FOXN3: variants seen among roughly 807,000 people sequenced by gnomAD.
FOXN3 encodes the protein forkhead box N3, also known as forkhead box protein N3.
FOXN3 carries 7 observed loss-of-function variants against 38.4 expected under a neutral mutation model. That is an observed-to-expected ratio of 0.18 (90% CI 0.10 to 0.34). FOXN3 has a LOEUF of 0.34. Among genes scored for constraint, FOXN3 ranks in the 10% least tolerant of loss-of-function variants. The pLI is 1.00. For missense variants in FOXN3, 456 were observed against 613.4 expected (o/e 0.74, Z 2.71); for synonymous variants, 230 against 242.2 (o/e 0.95, Z 0.47).
chr14:89,193,849 T>G (rs1888028412), intron 4 of FOXN3, among the ~76,000 whole-genome samples: 1 of 152,214 alleles, frequency 6.6e-6, no homozygotes, highest in South Asian at 2.1e-4. Flanking sequence ...TTTTTGCCAC[T>G]ACTTGAAATT....
At chr14:89,597,707 T>A (rs1402162796) in intron 1 of FOXN3, among the ~76,000 whole-genome samples, 1 of 152,174 alleles carries the variant, frequency 6.6e-6, no homozygotes, top group Non-Finnish European at 1.5e-5. Context: ...TCTCTAACAG[T>A]GTTCCTTGCC....
At position 89,359,624 on chromosome 14, in the gene FOXN3, G is replaced by A. The variant is rs1271324861; in HGVS notation, c.544-8816C>T. ...AGTGCCAAGAAGGACATGGGACTTTGAGAAAGCTACTTGCTTTGAGTCATG... is the reference window on the plus strand; with the variant it reads ...AGTGCCAAGAAGGACATGGGACTTTAAGAAAGCTACTTGCTTTGAGTCATG... On this transcript the variant is annotated intron_variant, in intron 2 of 5. Transcript: ENST00000557258. Among the ~76,000 whole-genome samples the A allele has an allele frequency of 5.3e-5, 8 of 152,218 alleles. No homozygotes were observed. In the East Asian group the frequency reaches 1.5e-3, roughly 29 times the overall value.
chr14:89,478,541 T>C (rs1223446490), intron 1 of FOXN3, among the ~76,000 whole-genome samples: 1 of 152,220 alleles, frequency 6.6e-6, no homozygotes, highest in Non-Finnish European at 1.5e-5. Flanking sequence ...GTCAGGATCA[T>C]ACATTCTTGG....
chr14:89,253,128 C>G (rs1276638307), intron 4 of FOXN3, among the ~76,000 whole-genome samples: 2 of 152,176 alleles, frequency 1.3e-5, no homozygotes, highest in African/African-American at 2.4e-5. Context: ...ATAAATGGCT[C>G]CCTCCTGCCC....
intron 1 of FOXN3, among the ~76,000 whole-genome samples, chr14:89,442,399 T>C (rs139931341): frequency 2.1e-3 from 313 of 152,294 alleles, no homozygotes; most frequent in Middle Eastern, 0.01. Flanking sequence ...GGTTCAATCT[T>C]GGGAAACAGG....
At chr14:89,549,190 T>G (rs571512339) in intron 1 of FOXN3, among the ~76,000 whole-genome samples, 2 of 151,796 alleles carry the variant, frequency 1.3e-5, no homozygotes, top group African/African-American at 4.8e-5. Flanking sequence ...GAAATTAAAT[T>G]CTTACTCATG....
chr14:89,314,434 G>C (rs1887663681), intron 3 of FOXN3, among the ~76,000 whole-genome samples: 1 of 62,628 alleles, frequency 1.6e-5, no homozygotes, highest in Admixed American at 1.2e-4. Context: ...CACTTGTTTT[G>C]TCAGCTTCAT....
intron 3 of FOXN3, among the ~76,000 whole-genome samples, chr14:89,302,849 C>A (rs1469115717): frequency 6.6e-6 from 1 of 152,200 alleles, no homozygotes; most frequent in Non-Finnish European, 1.5e-5. Flanking sequence ...AGGCATTGTT[C>A]AAAGGAGTCA....
Position 89,582,154 on chromosome 14 carries a change from TCCC to T in FOXN3, c.-15+36871_-15+36873del, listed in dbSNP as rs564479780. 1.8e-3 allele frequency among the ~76,000 whole-genome samples: 274 copies of T among 152,214 alleles called. 2 individuals carry two copies. Among genetic ancestry groups the T allele is most frequent in the African/African-American group, 6.1e-3 (255 of 41,516 alleles). On this transcript the variant is annotated intron_variant, in intron 1 of 6. Transcript: ENST00000345097. ...TTACTAAATCTTCTGGCTCCAACAG[TCCC>T]CCGTCTGTGGGAAGCATGTAAATCA...
At chr14:89,446,992 T>G (rs1020227850) in intron 1 of FOXN3, among the ~76,000 whole-genome samples, 2 of 151,912 alleles carry the variant, frequency 1.3e-5, no homozygotes, top group Non-Finnish European at 2.9e-5. Flanking sequence ...AGGTCGGGAG[T>G]TCGAGACCAG....
rs77319676 is a variant in FOXN3, at chr14:89,242,770, A to G, written c.745+38180T>C. ...GAAGTGTATCCAATCTAAATACTGCATGTATTATGATAACAGAGTTCTACA... is the reference window on the plus strand; with the variant it reads ...GAAGTGTATCCAATCTAAATACTGCGTGTATTATGATAACAGAGTTCTACA... On this transcript the variant is annotated intron_variant, in intron 4 of 5. Transcript: ENST00000557258. 3.6e-4 allele frequency among the ~76,000 whole-genome samples: 55 copies of G among 152,344 alleles called. No homozygotes were observed. In the East Asian group the frequency reaches 0.01, roughly 28 times the overall value.
intron 3 of FOXN3, among the ~76,000 whole-genome samples, chr14:89,296,667 G>C (rs547256519): frequency 6.6e-6 from 1 of 152,144 alleles, no homozygotes; most frequent in Non-Finnish European, 1.5e-5. Flanking sequence ...ACCGAGTCTC[G>C]CTCTGTCGTC....
intron 1 of FOXN3, among the ~76,000 whole-genome samples, chr14:89,508,426 G>A (rs993931391): frequency 6.6e-6 from 1 of 152,204 alleles, no homozygotes; most frequent in African/African-American, 2.4e-5. Flanking sequence ...ATTCCACAGA[G>A]CCAGAGTATC....
intron 1 of FOXN3, among the ~76,000 whole-genome samples, chr14:89,485,749 G>A (rs35383833): frequency 0.035 from 5,251 of 152,202 alleles, 133 homozygotes; most frequent in Non-Finnish European, 0.053. Context: ...GACCCCTGAC[G>A]GGGAGTCTGG....
At chr14:89,318,515 AG>A (rs2139969422) in intron 3 of FOXN3, among the ~76,000 whole-genome samples, 1 of 152,328 alleles carries the variant, frequency 6.6e-6, no homozygotes, top group East Asian at 1.9e-4. Context: ...AGCTACAGCC[AG>A]GCACAATACA....
chr14:89,558,785 C>T (rs1407793131), intron 1 of FOXN3, among the ~76,000 whole-genome samples: 1 of 152,120 alleles, frequency 6.6e-6, no homozygotes, highest in Non-Finnish European at 1.5e-5. Flanking sequence ...TTGGGTACAC[C>T]ATTGCCCCAG....
chr14:89,324,940 G>A (rs974060071), intron 3 of FOXN3, among the ~76,000 whole-genome samples: 20 of 152,162 alleles, frequency 1.3e-4, no homozygotes, highest in African/African-American at 3.6e-4. Context: ...AAACGCACAC[G>A]TTGCACATCC....
chr14:89,189,796 G>A (rs1887899548), intron 4 of FOXN3, among the ~76,000 whole-genome samples: 1 of 152,206 alleles, frequency 6.6e-6, no homozygotes, highest in Non-Finnish European at 1.5e-5. Flanking sequence ...AGAAGGTGAG[G>A]ATGGGAGTCC....
chr14:89,511,199 TTTCTTTTCTTTCTTTCTTTC>T (rs1566681028), intron 1 of FOXN3, among the ~76,000 whole-genome samples: 26 of 18,072 alleles, frequency 1.4e-3, no homozygotes, highest in Non-Finnish European at 5.5e-3. Flanking sequence ...CTTTTCTTTC[TTTCTTTTCTTTCTTTCTTTC>T]TTTCTTTCTT....
Sources: allele counts gnomAD v4.1 joint callset (sites outside exome capture counted in the v4.1 genomes callset), GRCh38; gene constraint gnomAD v4.1.1; transcripts MANE v1.5; gene names NCBI Gene and HGNC (gene_info 2026-07-23, HGNC 2026-07-21).